SEPTIN6: variants seen among roughly 807,000 people sequenced by gnomAD.
The protein encoded by SEPTIN6 is septin-6.
SEPTIN6 carries 8 observed loss-of-function variants against 33.6 expected under a neutral mutation model. The ratio of observed to expected loss-of-function variants is 0.24; its 90% CI spans 0.14 to 0.43. The LOEUF is 0.43. Ranked by LOEUF, SEPTIN6 falls within the 20% of genes least tolerant of loss-of-function variation. The pLI is 1.00. For synonymous variants in SEPTIN6, 131 were observed against 140.0 expected, an observed-to-expected ratio of 0.94 and a Z score of 0.45; for missense variants, 250 against 340.8, an observed-to-expected ratio of 0.73 and a Z score of 2.10.
intron 1 of SEPTIN6, among the ~76,000 whole-genome samples, chrX:119,689,340 G>A (rs901953338): frequency 3.5e-4 from 39 of 111,866 alleles, no homozygotes; most frequent in African/African-American, 1.2e-3. Context: ...GGAACCTCTC[G>A]AAATATATAT....
At chrX:119,680,195 T>TTTTA (rs201992348) in intron 1 of SEPTIN6, among the ~76,000 whole-genome samples, 7,919 of 96,833 alleles carry the variant, frequency 0.082, 351 homozygotes, top group Middle Eastern at 0.13. Context: ...ACACTCTTAA[T>TTTTA]TTTATTTATT....
chrX:119,639,222 G>T (rs1045687289), intron 6 of SEPTIN6, among the ~76,000 whole-genome samples: 3 of 111,849 alleles, frequency 2.7e-5, no homozygotes, highest in Non-Finnish European at 3.8e-5. Context: ...TGGACAACTC[G>T]CCATCCACTT....
intron 2 of SEPTIN6, among the ~76,000 whole-genome samples, chrX:119,665,928 A>G (rs776975721): frequency 1.8e-5 from 2 of 110,167 alleles, no homozygotes; most frequent in Non-Finnish European, 3.8e-5. Flanking sequence ...AAAAAAATAC[A>G]AAAATTAGCC....
intron 2 of SEPTIN6, among the ~76,000 whole-genome samples, chrX:119,666,201 C>T (rs765404321): frequency 1.8e-5 from 2 of 112,140 alleles, no homozygotes; most frequent in African/African-American, 3.2e-5. Context: ...TATCATCATC[C>T]CTGTTTTTCC....
rs1156278577 is a variant in SEPTIN6, at chrX:119,683,253, A to AAAAC, written c.31-7589_31-7586dup. Among the ~76,000 whole-genome samples, 5 of 112,185 alleles carry AAAAC rather than the reference A, an allele frequency of 4.5e-5. No individual in the cohort carries two copies. The East Asian group carries it at 8.4e-4, about 19-fold the overall frequency. On this transcript the variant is annotated intron_variant, in intron 1 of 10. Coordinates refer to ENST00000394610, the MANE Select transcript of SEPTIN6 (RefSeq NM_145799.4). ...GGGCAACAGAGGGAGACTCTGTCTC[A>AAAAC]AAACAAACAAACAAACAACAACAAC... is the stretch of plus-strand genomic sequence containing the variant.
At position 119,619,079 on chromosome X, in the gene SEPTIN6, A is replaced by G. The variant is rs1821619376; in HGVS notation, c.*1014T>C. 1 of 913,904 alleles carries G rather than the reference A, an allele frequency of 1.1e-6. No individual in the cohort carries two copies. The highest frequency in any genetic ancestry group is 6.0e-5 in the Admixed American group (1 of 16,691). The allele number at this position is 913,904 out of a possible 1,213,427, so 75.3% of individuals were successfully genotyped here. A position where few individuals can be genotyped will look rare whatever the true frequency, so the allele number is the denominator to read the frequency against. ...CTCTTCTTATTGGGGGATGCATGCA[A>G]AATGCATGTTAAAAATCATCATGAC... On this transcript the variant is annotated 3_prime_UTR_variant, in exon 11 of 11. Coordinates refer to ENST00000394610, the MANE Select transcript of SEPTIN6 (RefSeq NM_145799.4).
downstream of SEPTIN6, chrX:119,616,786 A>G: frequency 2.6e-6 from 3 of 1,132,259 alleles, no homozygotes; most frequent in Non-Finnish European, 3.6e-6. Flanking sequence ...AAATTAGCCA[A>G]AGAAAGAGGA....
At chrX:119,647,740 G>A (rs5957201) in intron 5 of SEPTIN6, among the ~76,000 whole-genome samples, 4,493 of 108,609 alleles carry the variant, frequency 0.041, 75 homozygotes, top group Middle Eastern at 0.066. Context: ...TGCAACCTCT[G>A]CCTCCTGGGT....
At position 119,673,177 on chromosome X, in the gene SEPTIN6, C is replaced by T. The variant is rs189777483; in HGVS notation, c.145+2377G>A. Among the ~76,000 whole-genome samples the T allele has an allele frequency of 5.1e-3, 571 of 111,148 alleles. 4 individuals carry two copies. The highest frequency in any genetic ancestry group is 0.017 in the African/African-American group (535 of 30,605). On this transcript the variant is annotated intron_variant, in intron 2 of 10. Transcript: ENST00000394610. ...CTTGAGCTTAGGAGTTCAAGAACAG[C>T]CTGGGCAACACAGTGAGACCTCACC...
At chrX:119,631,499 C>T (rs2053961094) in intron 8 of SEPTIN6, among the ~76,000 whole-genome samples, 1 of 111,583 alleles carries the variant, frequency 9.0e-6, no homozygotes, top group African/African-American at 3.3e-5. Context: ...TCTTACTAGT[C>T]ACTAGGGCTG....
intron 5 of SEPTIN6, among the ~76,000 whole-genome samples, chrX:119,645,720 C>T (rs184935390): frequency 3.6e-4 from 40 of 111,120 alleles, no homozygotes; most frequent in Middle Eastern, 4.6e-3. Context: ...TTAGTAGAGA[C>T]GGGGTTTCAC....
chrX:119,624,144 GTTTTT>G, intron 10 of SEPTIN6: 1 of 211,645 alleles, frequency 4.7e-6, no homozygotes, highest in Admixed American at 5.8e-5. Context: ...TTTATTATGG[GTTTTT>G]TTTTTTTGTT....
intron 1 of SEPTIN6, among the ~76,000 whole-genome samples, chrX:119,677,639 T>A (rs1291498342): frequency 8.9e-6 from 1 of 112,209 alleles, no homozygotes; most frequent in African/African-American, 3.2e-5. Context: ...AGGTCCATAA[T>A]AAGGGCACAT....
chrX:119,625,515 C>A, intron 9 of SEPTIN6, 136 bp from the exon 10 acceptor site: 1 of 519,021 alleles, frequency 1.9e-6, no homozygotes, highest in South Asian at 3.0e-5. Flanking sequence ...GAAGGGTGGA[C>A]TGGTAGGAAC....
chrX:119,675,708 T>A, intron 1 of SEPTIN6, 40 bp from the exon 2 acceptor site: 1 of 829,331 alleles, frequency 1.2e-6, no homozygotes, highest in Non-Finnish European at 1.6e-6. Flanking sequence ...AAAATGTGCT[T>A]AAAAGCAGTC....
intron 2 of SEPTIN6, among the ~76,000 whole-genome samples, chrX:119,664,686 C>T (rs1187934939): frequency 2.8e-5 from 3 of 107,130 alleles, no homozygotes; most frequent in African/African-American, 1.0e-4. Context: ...TATATACATA[C>T]ACAATTTAGC....
intron 1 of SEPTIN6, chrX:119,686,670 T>G: frequency 1.1e-6 from 1 of 874,446 alleles, no homozygotes; most frequent in Non-Finnish European, 1.5e-6. Flanking sequence ...AGGGTCTGTG[T>G]TTCTAATTTA....
Position 119,618,020 on chromosome X carries a change from T to G in SEPTIN6, c.*2073A>C. 1 of 806,247 alleles carries G rather than the reference T, an allele frequency of 1.2e-6. No individual in the cohort carries two copies. Among genetic ancestry groups the G allele is most frequent in the South Asian group, 6.6e-5 (1 of 15,259 alleles). 66.4% of individuals were successfully genotyped at this position (806,247 alleles called of 1,213,427 possible). On this transcript the variant is annotated 3_prime_UTR_variant, in exon 11 of 11. Transcript: ENST00000394610. Reference sequence around the variant, plus strand: ...GTGTGGGGAAGTGGTGGTTACCGGTTGGTTGTTTAAGCGTGAATTTCTGGG... The same window carrying G: ...GTGTGGGGAAGTGGTGGTTACCGGTGGGTTGTTTAAGCGTGAATTTCTGGG...
chrX:119,621,339 A>G (rs2053755949), intron 10 of SEPTIN6, among the ~76,000 whole-genome samples: 1 of 110,179 alleles, frequency 9.1e-6, no homozygotes, highest in African/African-American at 3.3e-5. Context: ...TGTGACATAA[A>G]TACAGCAAGT....
Sources: gnomAD v4.1 joint callset for allele counts (sites outside exome capture counted in the v4.1 genomes callset) on GRCh38, gnomAD v4.1.1 for gene constraint, MANE v1.5 for transcripts, NCBI Gene and HGNC (gene_info 2026-07-23, HGNC 2026-07-21) for gene names.